The following SUPT3H variants were observed in gnomAD, a reference collection of about 807,000 sequenced individuals.
The protein encoded by SUPT3H is SPT3 homolog, SAGA and STAGA complex component.
In SUPT3H, 44 loss-of-function variants were observed where a neutral mutation model predicts 44.3. That is an observed-to-expected ratio of 0.99 (90% confidence interval 0.78 to 1.28). The LOEUF (loss-of-function observed/expected upper bound fraction) is 1.28. Ranked by LOEUF, SUPT3H falls within the 50% of genes most tolerant of loss-of-function variation. The pLI, the probability that SUPT3H is intolerant of heterozygous loss-of-function variation, is 0.00. For missense variants in SUPT3H, 380 were observed against 387.1 expected, an observed-to-expected ratio of 0.98 and a Z score of 0.15; for synonymous variants, 124 against 125.6, an observed-to-expected ratio of 0.99 and a Z score of 0.09.
chr6:45,023,847 C>T (rs1234289186), intron 3 of SUPT3H, among the ~76,000 whole-genome samples: 2 of 152,016 alleles, frequency 1.3e-5, no homozygotes, highest in African/African-American at 4.8e-5. Context: ...TATAACAAAC[C>T]CCAGTGACAT....
rs560018344 is a variant in SUPT3H at position 44,927,372 on chromosome 6, G to A, written c.912+5281C>T. On this transcript the variant is annotated intron_variant, in intron 10 of 10. Transcript: ENST00000371459. ...ATATTTTCGTAATTTTCTAACAGTAGCATTTCTTTCATAATGAGTAAACTG... is the reference window on the plus strand; with the variant it reads ...ATATTTTCGTAATTTTCTAACAGTAACATTTCTTTCATAATGAGTAAACTG... Among the ~76,000 whole-genome samples the A allele has an allele frequency of 3.2e-3, 480 of 152,084 alleles. 2 individuals carry two copies. Among genetic ancestry groups the A allele is most frequent in the Non-Finnish European group, 5.7e-3 (387 of 67,952 alleles).
intron 2 of SUPT3H, among the ~76,000 whole-genome samples, chr6:45,171,533 T>C (rs1429828566): frequency 1.3e-5 from 2 of 152,150 alleles, no homozygotes; most frequent in South Asian, 4.1e-4. Flanking sequence ...GGTATTTTCA[T>C]GCCTTATAAC....
intron 5 of SUPT3H, among the ~76,000 whole-genome samples, chr6:45,013,701 C>A (rs539803128): frequency 6.6e-6 from 1 of 152,108 alleles, no homozygotes; most frequent in Admixed American, 6.6e-5. Context: ...GTCATCTCAG[C>A]TGTGCCTGCC....
At chr6:44,960,417 C>CT in intron 7 of SUPT3H, among the ~76,000 whole-genome samples, 1 of 105,810 alleles carries the variant, frequency 9.5e-6, no homozygotes, top group Admixed American at 1.0e-4. Flanking sequence ...GAGATTCCAT[C>CT]TCAAAAAAAA....
intron 3 of SUPT3H, among the ~76,000 whole-genome samples, chr6:45,074,540 T>C (rs1314470937): frequency 1.3e-5 from 2 of 151,610 alleles, no homozygotes; most frequent in Non-Finnish European, 2.9e-5. Context: ...CTAGAATACA[T>C]AAAATAAAAA....
chr6:44,932,763 T>C lies in SUPT3H; in HGVS notation c.802A>G (p.Ser268Gly). 1 of 1,591,834 alleles carries C rather than the reference T, an allele frequency of 6.3e-7. No homozygotes were observed. The highest frequency in any genetic ancestry group is 1.8e-5 in the Admixed American group (1 of 54,590). ...TFIQYHNSAE[S>G]TAACGVEAHS... ...GCCTCAACACCACAGGCTGCAGTGC[T>C]CTGCGACAGAAAAACACATAAATTG... Residue 268 changes from serine to glycine, a missense_variant and splice_region_variant, in exon 10 of 11, where the codon AGC (serine) becomes GGC (glycine). Coordinates refer to ENST00000371459, the MANE Select transcript of SUPT3H (RefSeq NM_003599.4).
intron 1 of SUPT3H, among the ~76,000 whole-genome samples, chr6:45,376,826 C>T (rs954020281): frequency 1.3e-5 from 2 of 152,208 alleles, no homozygotes; most frequent in Admixed American, 6.5e-5. Context: ...TATACTAAGA[C>T]CCCAGGTCCT....
At chr6:45,054,768 GACC>G (rs1334748558) in intron 3 of SUPT3H, among the ~76,000 whole-genome samples, 1 of 152,038 alleles carries the variant, frequency 6.6e-6, no homozygotes, top group African/African-American at 2.4e-5. Flanking sequence ...ATCAATTGTA[GACC>G]ACGAGATCCT....
At chr6:44,935,887 TAAAA>T (rs1205851932) in intron 9 of SUPT3H, among the ~76,000 whole-genome samples, 1 of 152,178 alleles carries the variant, frequency 6.6e-6, no homozygotes, top group East Asian at 1.9e-4. Flanking sequence ...TCTCCCAACT[TAAAA>T]AAGTTCTTGG....
At chr6:45,199,702 C>A (rs1453536143) in intron 2 of SUPT3H, among the ~76,000 whole-genome samples, 1 of 151,326 alleles carries the variant, frequency 6.6e-6, no homozygotes, top group East Asian at 1.9e-4. Flanking sequence ...AAACCTATAA[C>A]ACATTTTCTG....
At chr6:45,014,158 T>G (rs1385825714) in intron 5 of SUPT3H, among the ~76,000 whole-genome samples, 1 of 152,114 alleles carries the variant, frequency 6.6e-6, no homozygotes, top group Non-Finnish European at 1.5e-5. Context: ...AACTGTTTTT[T>G]TTTTAAGTTT....
intron 10 of SUPT3H, among the ~76,000 whole-genome samples, chr6:44,871,218 G>C (rs939524696): frequency 7.2e-6 from 1 of 138,972 alleles, no homozygotes; most frequent in African/African-American, 2.7e-5. Context: ...CAAAAAGACA[G>C]CAGTAACCTC....
At chr6:44,846,926 A>G (rs1771975967) in intron 10 of SUPT3H, among the ~76,000 whole-genome samples, 1 of 152,198 alleles carries the variant, frequency 6.6e-6, no homozygotes, top group Non-Finnish European at 1.5e-5. Context: ...CACTGTACCC[A>G]GCCCCAGTTG....
chr6:44,942,858 A>T (rs1421419963), intron 9 of SUPT3H, among the ~76,000 whole-genome samples: 6 of 152,176 alleles, frequency 3.9e-5, no homozygotes, highest in African/African-American at 1.4e-4. Context: ...TTTATAGGTG[A>T]GTCTAGAAAA....
intron 2 of SUPT3H, among the ~76,000 whole-genome samples, chr6:45,185,604 T>C (rs1814072122): frequency 6.6e-6 from 1 of 152,198 alleles, no homozygotes; most frequent in South Asian, 2.1e-4. Context: ...CACCAGCCCC[T>C]GTAAGACACT....
rs72456916 is a variant in SUPT3H, at chr6:44,828,183, A to AAAGTT, written c.*1628_*1632dup. ...CAAATACAATAAATGCTATCGTTTAAAAGTTAAGTTAAGTTAGGATGTTTA... is the reference window on the plus strand; with the variant it reads ...CAAATACAATAAATGCTATCGTTTAAAAGTTAAGTTAAGTTAAGTTAGGATGTTTA... On this transcript the variant is annotated 3_prime_UTR_variant, in exon 11 of 11. Transcript: ENST00000371459. Among the ~76,000 whole-genome samples the AAAGTT allele has an allele frequency of 4.0e-5, 6 of 151,386 alleles. No individual in the cohort carries two copies. Among genetic ancestry groups the AAAGTT allele is most frequent in the Non-Finnish European group, 7.4e-5 (5 of 67,762 alleles).
rs1778708650 is a variant in SUPT3H at position 44,978,877 on chromosome 6, A to G, written c.505-17049T>C. On this transcript the variant is annotated intron_variant, in intron 6 of 10. Coordinates refer to ENST00000371459, the MANE Select transcript of SUPT3H (RefSeq NM_003599.4). Reference sequence around the variant, plus strand: ...CCCAAACGTTGTATGCAGATTAGAAACAAAACAAAACATGGACAACATTGA... The same window carrying G: ...CCCAAACGTTGTATGCAGATTAGAAGCAAAACAAAACATGGACAACATTGA... 2.6e-5 allele frequency among the ~76,000 whole-genome samples: 4 copies of G among 152,326 alleles called. No individual in the cohort carries two copies. The South Asian group carries it at 8.3e-4, about 32-fold the overall frequency.
intron 2 of SUPT3H, among the ~76,000 whole-genome samples, chr6:45,189,237 A>T (rs1814757650): frequency 1.3e-5 from 2 of 152,260 alleles, no homozygotes; most frequent in South Asian, 4.1e-4. Context: ...TAAGTAAAAT[A>T]AAATGTTTCA....
chr6:45,104,272 C>A (rs1332327638), intron 3 of SUPT3H, among the ~76,000 whole-genome samples: 1 of 151,962 alleles, frequency 6.6e-6, no homozygotes, highest in Non-Finnish European at 1.5e-5. Context: ...TAGTAACATA[C>A]ATAGATTTAA....
Sources: gnomAD v4.1 joint callset for allele counts (sites outside exome capture counted in the v4.1 genomes callset) on GRCh38, gnomAD v4.1.1 for gene constraint, MANE v1.5 for transcripts, NCBI Gene and HGNC (gene_info 2026-07-23, HGNC 2026-07-21) for gene names.